The following PPIF variants were observed in gnomAD, a reference collection of about 807,000 sequenced individuals.
PPIF encodes the protein peptidyl-prolyl cis-trans isomerase F, mitochondrial.
Under a neutral mutation model 20.2 loss-of-function variants are expected in PPIF, and 23 were observed. That is an observed-to-expected ratio of 1.14 (90% confidence interval 0.82 to 1.61). The LOEUF is 1.61. PPIF is among the 40% of genes most tolerant of loss of function. The pLI is 0.00. For synonymous variants in PPIF, 113 were observed against 123.1 expected (o/e 0.92, Z 0.54); for missense variants, 287 against 291.6 (o/e 0.98, Z 0.11).
At position 79,353,936 on chromosome 10, in the gene PPIF, C is replaced by A; in HGVS notation, c.*94C>A. ...GTCAGCCAAGGTGCCTGAAACGATA[C>A]GTGTGCCCACTCCACTGTCACAGTG... is the stretch of plus-strand genomic sequence containing the variant. On this transcript the variant is annotated 3_prime_UTR_variant, in exon 6 of 6. Coordinates refer to ENST00000225174, the MANE Select transcript of PPIF (RefSeq NM_005729.4). 1 of 1,339,290 alleles carries A rather than the reference C, an allele frequency of 7.5e-7. No homozygotes were observed. Among genetic ancestry groups the A allele is most frequent in the Non-Finnish European group, 1.0e-6 (1 of 963,828 alleles). 83.0% of individuals were successfully genotyped at this position (1,339,290 alleles called of 1,614,324 possible).
chr10:79,351,705 C>T (rs1855985571), intron 4 of PPIF, 122 bp downstream of exon 4: 6 of 809,718 alleles, frequency 7.4e-6, no homozygotes, highest in South Asian at 5.3e-5. Flanking sequence ...TCCTTCCTCC[C>T]TGCGACACTG....
At chr10:79,351,867 G>A (rs906213808) in intron 4 of PPIF, among the ~76,000 whole-genome samples, 3 of 152,218 alleles carry the variant, frequency 2.0e-5, no homozygotes, top group African/African-American at 7.2e-5. Flanking sequence ...TCTGAGTTTC[G>A]GGTTGGAAAT....
At chr10:79,350,772 T>A (rs1589646610) in intron 3 of PPIF, among the ~76,000 whole-genome samples, 2 of 152,310 alleles carry the variant, frequency 1.3e-5, no homozygotes, top group East Asian at 3.9e-4. Flanking sequence ...AGCACCTAAT[T>A]GACACCTGTG....
At position 79,351,389 on chromosome 10, in the gene PPIF, C is replaced by T. The variant is rs1855980494; in HGVS notation, c.316-98C>T. ...GACCCCTTTACCTGAGGGGCGCCAA[C>T]TGGGTGGGCTTGGGTGGGCTGAGGC... On this transcript the variant is annotated intron_variant, in intron 3 of 5. Coordinates refer to ENST00000225174, the MANE Select transcript of PPIF (RefSeq NM_005729.4). 10 of 1,047,770 alleles carry T rather than the reference C, an allele frequency of 9.5e-6. No homozygotes were observed. In the East Asian group the frequency reaches 2.6e-4, roughly 27 times the overall value. 64.9% of individuals were successfully genotyped at this position (1,047,770 alleles called of 1,614,324 possible).
intron 2 of PPIF, 60 bp from the exon 3 acceptor site, chr10:79,349,605 G>T: frequency 6.2e-7 from 1 of 1,606,298 alleles, no homozygotes; most frequent in Non-Finnish European, 8.5e-7. Flanking sequence ...TGGCTGGAAC[G>T]GGTATGACCC....
rs529951834 is a variant in PPIF at position 79,347,519 on chromosome 10, C to G, written c.-30C>G. ...GTCAGTTTGAGTTCTGTGTTCTCCCCGCCCGTGTCCCGCCCGACCCGCGCC... is the reference window on the plus strand; with the variant it reads ...GTCAGTTTGAGTTCTGTGTTCTCCCGGCCCGTGTCCCGCCCGACCCGCGCC... On this transcript the variant is annotated 5_prime_UTR_variant, in exon 1 of 6. Coordinates refer to ENST00000225174, the MANE Select transcript of PPIF (RefSeq NM_005729.4). The G allele has an allele frequency of 2.7e-4, 346 of 1,287,466 alleles. 2 individuals are homozygous for G. In the South Asian group the frequency reaches 7.4e-3, roughly 28 times the overall value. 79.8% of individuals were successfully genotyped at this position (1,287,466 alleles called of 1,614,324 possible). A position where few individuals can be genotyped will look rare whatever the true frequency, so the allele number is the denominator to read the frequency against.
Position 79,354,355 on chromosome 10 carries a change from G to C in PPIF, c.*513G>C, listed in dbSNP as rs970105851. 1 of 154,546 alleles carries C rather than the reference G, an allele frequency of 6.5e-6. No homozygotes were observed. Among genetic ancestry groups the C allele is most frequent in the African/African-American group, 2.4e-5 (1 of 41,468 alleles). 9.6% of individuals were successfully genotyped at this position (154,546 alleles called of 1,614,324 possible). A position where few individuals can be genotyped will look rare whatever the true frequency, so the allele number is the denominator to read the frequency against. ...ACACAGGCCACAGACCCCAGAGCTT[G>C]GCTTTTGAAACACAACTCAGGGCTT... is the stretch of plus-strand genomic sequence containing the variant. On this transcript the variant is annotated 3_prime_UTR_variant, in exon 6 of 6. Transcript: ENST00000225174.
chr10:79,352,523 G>T (rs942066789), intron 5 of PPIF, 131 bp downstream of exon 5: 1 of 893,398 alleles, frequency 1.1e-6, no homozygotes, highest in African/African-American at 1.6e-5. Flanking sequence ...CTCCCAGGCT[G>T]TGTGTTTGTA....
intron 5 of PPIF, among the ~76,000 whole-genome samples, chr10:79,353,375 T>A (rs1221133207): frequency 6.6e-6 from 1 of 152,258 alleles, no homozygotes; most frequent in Non-Finnish European, 1.5e-5. Flanking sequence ...ATGGACTTCT[T>A]CTTTCTTCAG....
chr10:79,351,834 C>T (rs1380656241), intron 4 of PPIF: 5 of 451,276 alleles, frequency 1.1e-5, no homozygotes, highest in Non-Finnish European at 2.0e-5. Flanking sequence ...GAATGGAGGC[C>T]CTGGCCACCT....
Position 79,351,518 on chromosome 10 carries a change from G to A in PPIF, c.347G>A (p.Gly116Asp). The A allele has an allele frequency of 6.2e-7, 1 of 1,614,142 alleles. No individual in the cohort carries two copies. Among genetic ancestry groups the A allele is most frequent in the Non-Finnish European group, 8.5e-7 (1 of 1,179,998 alleles). ...GACTTCACCAACCACAATGGCACAGGCGGGAAGTCCATCTACGGAAGCCGC... is the reference window on the plus strand; with the variant it reads ...GACTTCACCAACCACAATGGCACAGACGGGAAGTCCATCTACGGAAGCCGC... ...AGDFTNHNGTGGKSIYGSRFP... is the reference protein window; with the variant it reads ...AGDFTNHNGTDGKSIYGSRFP... Residue 116 changes from glycine to aspartate, a missense_variant, in exon 4 of 6, where the codon GGC becomes GAC. Coordinates refer to ENST00000225174, the MANE Select transcript of PPIF (RefSeq NM_005729.4).
In PPIF at chr10:79,352,307, G is replaced by T. The variant is rs200127667; in HGVS notation, c.413-10G>T. ...GGGGCAGCGTGGCTCAGCCCTGCTG[G>T]TTTTTGCAGGTGTCCTGTCCATGGC... On this transcript the variant is annotated splice_polypyrimidine_tract_variant and intron_variant, in intron 4 of 5. Transcript: ENST00000225174. The T allele has an allele frequency of 3.7e-6, 6 of 1,613,922 alleles. No homozygotes were observed. The South Asian group carries it at 5.5e-5, about 15-fold the overall frequency.
chr10:79,351,013 G>C (rs1401094385), intron 3 of PPIF, among the ~76,000 whole-genome samples: 1 of 152,172 alleles, frequency 6.6e-6, no homozygotes, highest in Non-Finnish European at 1.5e-5. Flanking sequence ...TGCAAGGGTT[G>C]GGAAAGCTGC....
At position 79,353,900 on chromosome 10, in the gene PPIF, C is replaced by T. The variant is rs1000613949; in HGVS notation, c.*58C>T. On this transcript the variant is annotated 3_prime_UTR_variant, in exon 6 of 6. Transcript: ENST00000225174. ...GCAAATGTCCATGCACCCAGGTGGC[C>T]GCGTTGGGCTGTCAGCCAAGGTGCC... 1.6e-5 allele frequency: 25 copies of T among 1,573,246 alleles called. No individual in the cohort carries two copies. The highest frequency in any genetic ancestry group is 2.0e-5 in the Non-Finnish European group (23 of 1,152,530).
rs1463554321 is a variant in PPIF at position 79,355,263 on chromosome 10, A to G, written c.*1421A>G. ...CTTCCTGAGGCCTCCCTGGAAGCTG[A>G]GCAGATGCCAGCACCATGCTTCCTG... On this transcript the variant is annotated 3_prime_UTR_variant, in exon 6 of 6. Coordinates refer to ENST00000225174, the MANE Select transcript of PPIF (RefSeq NM_005729.4). 1 of 152,158 alleles carries G rather than the reference A, an allele frequency of 6.6e-6. No homozygotes were observed. The highest frequency in any genetic ancestry group is 1.9e-4 in the East Asian group (1 of 5,200). The allele number at this position is 152,158 out of a possible 1,614,324, so 9.4% of individuals were successfully genotyped here.
At chr10:79,349,807 G>A (rs1855956414) in intron 3 of PPIF, 54 bp downstream of exon 3, 1 of 1,609,940 alleles carries the variant, frequency 6.2e-7, no homozygotes, top group South Asian at 1.1e-5. Context: ...CTGCCTTGTG[G>A]GTGTGTGAAG....
chr10:79,349,781 G>A lies in PPIF; in HGVS notation c.315+28G>A, dbSNP rs1855955682. On this transcript the variant is annotated intron_variant, in intron 3 of 5. Coordinates refer to ENST00000225174, the MANE Select transcript of PPIF (RefSeq NM_005729.4). The stretch of plus-strand genomic sequence containing the variant: ...AATGTAGTTTCCTCTTCTGTAAGGG[G>A]GGATGAGAGCAGGAGCTGCCTTGTG... 3 of 1,613,508 alleles carry A rather than the reference G, an allele frequency of 1.9e-6. No individual in the cohort carries two copies. In the East Asian group the frequency reaches 6.7e-5, roughly 36 times the overall value.
chr10:79,351,858 C>CT (rs2132152622), intron 4 of PPIF: 2 of 437,116 alleles, frequency 4.6e-6, no homozygotes, highest in East Asian at 3.9e-5. Context: ...TGTTTGTCCT[C>CT]TGAGTTTCGG....
intron 5 of PPIF, among the ~76,000 whole-genome samples, chr10:79,353,258 T>C (rs1030674708): frequency 3.9e-5 from 6 of 152,256 alleles, no homozygotes; most frequent in African/African-American, 1.4e-4. Flanking sequence ...TTTTACATTA[T>C]TGGACTCTCT....
Sources: gnomAD v4.1 joint callset for allele counts (sites outside exome capture counted in the v4.1 genomes callset) on GRCh38, gnomAD v4.1.1 for gene constraint, MANE v1.5 for transcripts, NCBI Gene and HGNC (gene_info 2026-07-23, HGNC 2026-07-21) for gene names.